NUDT9: variants seen among roughly 807,000 people sequenced by gnomAD.
NUDT9 encodes ADP-ribose pyrophosphatase.
NUDT9 carries 31 observed loss-of-function variants against 41.0 expected under a neutral mutation model. The ratio of observed to expected loss-of-function variants is 0.76; its 90% CI spans 0.57 to 1.02. The LOEUF (loss-of-function observed/expected upper bound fraction) is 1.02, where lower values mean the gene tolerates loss of function less well. Ranked by LOEUF, NUDT9 falls within the 50% of genes least tolerant of loss-of-function variation. The pLI is 0.00. For missense variants in NUDT9, 380 were observed against 431.4 expected (o/e 0.88, Z 1.06); for synonymous variants, 146 against 147.6 (o/e 0.99, Z 0.08).
chr4:87,433,126 C>T lies in NUDT9; in HGVS notation c.108-1855C>T, dbSNP rs537326497. On this transcript the variant is annotated intron_variant, in intron 1 of 7. Transcript: ENST00000302174. ...AATTTATCAGTAAAGCCATCTGGTC[C>T]TGGGTTTTTCTTTGTTGGGAGTAAA... Among the ~76,000 whole-genome samples the T allele has an allele frequency of 2.2e-4, 33 of 152,194 alleles. 1 individual carries two copies. The highest frequency in any genetic ancestry group is 7.2e-4 in the African/African-American group (30 of 41,526).
chr4:87,427,344 A>T (rs141729854), intron 1 of NUDT9, among the ~76,000 whole-genome samples: 434 of 152,278 alleles, frequency 2.9e-3, no homozygotes, highest in Non-Finnish European at 5.3e-3. Context: ...TTGCCATGTA[A>T]ATGGACTTTA....
intron 3 of NUDT9, among the ~76,000 whole-genome samples, chr4:87,440,509 G>A (rs1213889763): frequency 6.6e-6 from 1 of 151,838 alleles, no homozygotes; most frequent in Non-Finnish European, 1.5e-5. Flanking sequence ...TCTTTATGGT[G>A]GCCTTGATCA....
chr4:87,430,414 T>TA (rs750221789), intron 1 of NUDT9, among the ~76,000 whole-genome samples: 49 of 152,372 alleles, frequency 3.2e-4, no homozygotes, highest in Non-Finnish European at 6.8e-4. Flanking sequence ...AGAAAACTAA[T>TA]ACATTATATA....
intron 3 of NUDT9, among the ~76,000 whole-genome samples, chr4:87,441,465 A>G (rs1030197117): frequency 6.6e-6 from 1 of 152,206 alleles, no homozygotes; most frequent in African/African-American, 2.4e-5. Context: ...AGGAGAGTAG[A>G]GTAGGAAATG....
chr4:87,430,872 G>A (rs1721655886), intron 1 of NUDT9, among the ~76,000 whole-genome samples: 1 of 152,034 alleles, frequency 6.6e-6, no homozygotes, highest in African/African-American at 2.4e-5. Context: ...ATCTTTTCCT[G>A]TTCCATGGGT....
chr4:87,452,809 GTTTTT>G (rs376368372), intron 6 of NUDT9, among the ~76,000 whole-genome samples: 1 of 110,860 alleles, frequency 9.0e-6, no homozygotes, highest in Non-Finnish European at 1.8e-5. Context: ...AAATAACAGA[GTTTTT>G]TTTTTTTTTT....
At chr4:87,449,119 T>G in intron 4 of NUDT9, 23 bp from the exon 5 acceptor site, 5 of 1,350,752 alleles carry the variant, frequency 3.7e-6, no homozygotes, top group Non-Finnish European at 4.2e-6. Context: ...AAATCCGTTA[T>G]GATTTTATAT....
At position 87,458,212 on chromosome 4, in the gene NUDT9, C is replaced by G. The variant is rs946549254; in HGVS notation, c.*191C>G. On this transcript the variant is annotated 3_prime_UTR_variant, in exon 8 of 8. Coordinates refer to ENST00000302174, the MANE Select transcript of NUDT9 (RefSeq NM_024047.5). Reference sequence around the variant, plus strand: ...ATGAACTGGAACACAAAATTTTCAGCTCTTTGGTCAAAAGGAATATAAGTA... The same window carrying G: ...ATGAACTGGAACACAAAATTTTCAGGTCTTTGGTCAAAAGGAATATAAGTA... 5.9e-5 allele frequency: 25 copies of G among 426,754 alleles called. No individual in the cohort carries two copies. Among genetic ancestry groups the G allele is most frequent in the Non-Finnish European group, 8.9e-5 (22 of 248,306 alleles). The allele number at this position is 426,754 out of a possible 1,614,324, so 26.4% of individuals were successfully genotyped here.
intron 2 of NUDT9, among the ~76,000 whole-genome samples, chr4:87,436,516 A>G (rs1206868030): frequency 6.6e-6 from 1 of 151,786 alleles, no homozygotes; most frequent in Non-Finnish European, 1.5e-5. Context: ...TCACTGTATC[A>G]TCCAGTCTGG....
chr4:87,423,831 G>C (rs764770184), intron 1 of NUDT9, among the ~76,000 whole-genome samples: 7 of 152,190 alleles, frequency 4.6e-5, no homozygotes, highest in Non-Finnish European at 1.0e-4. Context: ...CTCTGTACCA[G>C]GTTGCCTAGA....
rs535818329 is a variant in NUDT9 at position 87,454,269 on chromosome 4, G to A, written c.790-102G>A. ...AGCATTAAGTATGTTCATGTTGTTG[G>A]GCAACAGGATATTTACATTTCTGAT... On this transcript the variant is annotated intron_variant, in intron 6 of 7. Coordinates refer to ENST00000302174, the MANE Select transcript of NUDT9 (RefSeq NM_024047.5). 1.6e-3 allele frequency: 1,071 copies of A among 669,198 alleles called. 3 individuals carry two copies. Among genetic ancestry groups the A allele is most frequent in the Non-Finnish European group, 2.6e-3 (937 of 365,436 alleles). The allele number at this position is 669,198 out of a possible 1,614,324, so 41.5% of individuals were successfully genotyped here. A position where few individuals can be genotyped will look rare whatever the true frequency, so the allele number is the denominator to read the frequency against.
chr4:87,453,230 C>G (rs1722835086), intron 6 of NUDT9, among the ~76,000 whole-genome samples: 2 of 152,136 alleles, frequency 1.3e-5, no homozygotes, highest in South Asian at 4.1e-4. Context: ...ATCCAAATAT[C>G]TTCATATATT....
At chr4:87,429,215 G>A (rs978115682) in intron 1 of NUDT9, among the ~76,000 whole-genome samples, 2 of 152,074 alleles carry the variant, frequency 1.3e-5, no homozygotes, top group Non-Finnish European at 2.9e-5. Context: ...GCAGTGGCGT[G>A]ATCATGGTTC....
intron 4 of NUDT9, among the ~76,000 whole-genome samples, chr4:87,445,065 T>C (rs889712461): frequency 1.3e-5 from 2 of 152,200 alleles, no homozygotes; most frequent in Non-Finnish European, 2.9e-5. Flanking sequence ...TATTCTACTT[T>C]TAGACTAGTC....
intron 1 of NUDT9, among the ~76,000 whole-genome samples, chr4:87,429,113 C>G (rs1721565067): frequency 1.3e-5 from 2 of 152,140 alleles, no homozygotes; most frequent in South Asian, 4.2e-4. Flanking sequence ...GTCTAGGAAG[C>G]AGTTCTTGTA....
chr4:87,455,961 T>C (rs776574313), intron 7 of NUDT9, among the ~76,000 whole-genome samples: 3 of 152,108 alleles, frequency 2.0e-5, no homozygotes, highest in Non-Finnish European at 2.9e-5. Flanking sequence ...TGCGCCTGGC[T>C]GTAGTGCTTT....
intron 1 of NUDT9, among the ~76,000 whole-genome samples, chr4:87,424,148 C>T (rs909824778): frequency 1.3e-5 from 2 of 151,624 alleles, no homozygotes; most frequent in African/African-American, 4.9e-5. Context: ...GAGTGATTTC[C>T]ATGGTTATTG....
rs1723078041 is a variant in NUDT9, at chr4:87,458,302, T to C, written c.*281T>C. 1 of 247,500 alleles carries C rather than the reference T, an allele frequency of 4.0e-6. No individual in the cohort carries two copies. The highest frequency in any genetic ancestry group is 2.2e-5 in the African/African-American group (1 of 44,732). 15.3% of individuals were successfully genotyped at this position (247,500 alleles called of 1,614,324 possible). A position where few individuals can be genotyped will look rare whatever the true frequency, so the allele number is the denominator to read the frequency against. Reference sequence around the variant, plus strand: ...TTAAATTTAAACAACTAATGCTCTTTGAAGAATCATAATCAGAATAAAGAT... The same window carrying C: ...TTAAATTTAAACAACTAATGCTCTTCGAAGAATCATAATCAGAATAAAGAT... On this transcript the variant is annotated 3_prime_UTR_variant, in exon 8 of 8. Transcript: ENST00000302174.
Position 87,458,118 on chromosome 4 carries a change from C to A in NUDT9, c.*97C>A, listed in dbSNP as rs571119249. Reference sequence around the variant, plus strand: ...TATACTATAAAAAGGGCAGGGTAGGCCACTTGGCCTATTTACTTTCAAAAC... The same window carrying A: ...TATACTATAAAAAGGGCAGGGTAGGACACTTGGCCTATTTACTTTCAAAAC... On this transcript the variant is annotated 3_prime_UTR_variant, in exon 8 of 8. Transcript: ENST00000302174. 2.6e-5 allele frequency: 29 copies of A among 1,118,464 alleles called. No individual in the cohort carries two copies. The African/African-American group carries it at 4.1e-4, about 16-fold the overall frequency. 69.3% of individuals were successfully genotyped at this position (1,118,464 alleles called of 1,614,324 possible).
Sources: gnomAD v4.1 joint callset for allele counts (sites outside exome capture counted in the v4.1 genomes callset) on GRCh38, gnomAD v4.1.1 for gene constraint, MANE v1.5 for transcripts, NCBI Gene and HGNC (gene_info 2026-07-23, HGNC 2026-07-21) for gene names.